CDYL2: variants seen among roughly 807,000 people sequenced by gnomAD.
The protein encoded by CDYL2 is chromodomain Y like 2.
CDYL2 carries 23 observed loss-of-function variants against 49.4 expected under a neutral mutation model. That is an observed-to-expected ratio of 0.47 (90% CI 0.34 to 0.66). The LOEUF is 0.66. CDYL2 is among the 30% of genes least tolerant of loss of function. CDYL2 has a pLI of 0.01. For synonymous variants in CDYL2, 360 were observed against 268.8 expected (o/e 1.34, Z -3.32); for missense variants, 678 against 656.4 (o/e 1.03, Z -0.36).
Position 80,612,685 on chromosome 16 carries a change from G to T in CDYL2, c.1159C>A (p.Arg387Ser), listed in dbSNP as rs536459738. The change falls in exon 5 of 7, where the codon CGC becomes AGC. Residue 387 changes from arginine to serine, a missense_variant. Physicochemically the swap from Arg to Ser is moderately radical, Grantham distance 110. Transcript: ENST00000570137. The surrounding 1 kb of genome is among the most constrained non-coding windows in gnomAD (Gnocchi z 5.0). ...AWFQTPYATIRLTPAGCSSYT... is the reference protein window; with the variant it reads ...AWFQTPYATISLTPAGCSSYT... ...GAGGAGCAGCCAGCAGGCGTGAGGC[G>T]GATGGTGGCGTAGGGCGTCTGGAAC... The T allele has an allele frequency of 1.2e-6, 2 of 1,613,254 alleles. No individual in the cohort carries two copies. Among genetic ancestry groups the T allele is most frequent in the South Asian group, 1.1e-5 (1 of 91,028 alleles).
intron 2 of CDYL2, among the ~76,000 whole-genome samples, chr16:80,656,624 G>A (rs924383581): frequency 2.0e-5 from 3 of 152,198 alleles, no homozygotes; most frequent in Non-Finnish European, 4.4e-5. Flanking sequence ...AGCGTACAAA[G>A]GAGTATTTCC....
In CDYL2 at chr16:80,616,556, G is replaced by C. The variant is rs1012024495; in HGVS notation, c.1008-3720C>G. On this transcript the variant is annotated intron_variant, in intron 4 of 6. Coordinates refer to ENST00000570137, the MANE Select transcript of CDYL2 (RefSeq NM_152342.4). ...TCCCTTTAACCAGAGGCATGGAGGA[G>C]AACCCTCCCCCAGCCAAAGCTCAGA... 5.9e-5 allele frequency among the ~76,000 whole-genome samples: 9 copies of C among 152,102 alleles called. 1 individual carries two copies. The South Asian group carries it at 1.0e-3, about 18-fold the overall frequency.
At chr16:80,676,932 T>A (rs1261535769) in intron 2 of CDYL2, among the ~76,000 whole-genome samples, 3 of 152,030 alleles carry the variant, frequency 2.0e-5, no homozygotes, top group East Asian at 3.9e-4. Flanking sequence ...TCTTACTTCT[T>A]CTGAGGACTT....
chr16:80,638,710 A>C (rs1400351447), intron 2 of CDYL2, among the ~76,000 whole-genome samples: 1 of 152,206 alleles, frequency 6.6e-6, no homozygotes, highest in Non-Finnish European at 1.5e-5. Flanking sequence ...AAATAAAGAC[A>C]ATTCAATGGA....
intron 1 of CDYL2, among the ~76,000 whole-genome samples, chr16:80,791,975 G>C (rs1024868000): frequency 6.6e-6 from 1 of 152,162 alleles, no homozygotes; most frequent in Non-Finnish European, 1.5e-5. Context: ...AGTGGTGAGA[G>C]TATTAAGGAA....
chr16:80,600,078 C>T lies in CDYL2; in HGVS notation c.*4310G>A, dbSNP rs368038922. The stretch of plus-strand genomic sequence containing the variant: ...TCAACTGCCACACAGTGAGAATTTA[C>T]GGGGAGATCTTAAACTACTTATGTA... On this transcript the variant is annotated 3_prime_UTR_variant, in exon 7 of 7. Coordinates refer to ENST00000570137, the MANE Select transcript of CDYL2 (RefSeq NM_152342.4). The T allele has an allele frequency of 1.3e-5, 2 of 152,164 alleles. No homozygotes were observed. Among genetic ancestry groups the T allele is most frequent in the Non-Finnish European group, 1.5e-5 (1 of 68,020 alleles). 9.4% of individuals were successfully genotyped at this position (152,164 alleles called of 1,614,324 possible). A position where few individuals can be genotyped will look rare whatever the true frequency, so the allele number is the denominator to read the frequency against.
At chr16:80,665,950 AG>A (rs1909244452) in intron 2 of CDYL2, among the ~76,000 whole-genome samples, 2 of 152,290 alleles carry the variant, frequency 1.3e-5, no homozygotes, top group Admixed American at 1.3e-4. Context: ...CTAATATCCT[AG>A]GATCAATGAA....
intron 1 of CDYL2, among the ~76,000 whole-genome samples, chr16:80,705,734 C>T (rs1904382797): frequency 6.6e-6 from 1 of 152,258 alleles, no homozygotes; most frequent in Non-Finnish European, 1.5e-5. Context: ...TCAAATCTGC[C>T]CTTGTCATGC....
intron 2 of CDYL2, among the ~76,000 whole-genome samples, chr16:80,636,544 G>A (rs772537254): frequency 1.3e-5 from 2 of 152,340 alleles, no homozygotes; most frequent in African/African-American, 4.8e-5. Context: ...TCATTAAGAA[G>A]TCAGGAAACA....
chr16:80,702,170 T>C (rs1370765744), intron 1 of CDYL2, among the ~76,000 whole-genome samples: 1 of 136,056 alleles, frequency 7.3e-6, no homozygotes, highest in Non-Finnish European at 1.5e-5. Flanking sequence ...GTTCCAAGAG[T>C]CAGAAGGCCT....
At chr16:80,782,835 T>G (rs1042108835) in intron 1 of CDYL2, among the ~76,000 whole-genome samples, 10 of 152,062 alleles carry the variant, frequency 6.6e-5, no homozygotes, top group African/African-American at 2.4e-4. Flanking sequence ...AAACTAGTAA[T>G]AAAATGAAAC....
intron 2 of CDYL2, among the ~76,000 whole-genome samples, chr16:80,640,743 C>T (rs1052840011): frequency 5.9e-5 from 9 of 151,866 alleles, no homozygotes; most frequent in Non-Finnish European, 1.2e-4. Context: ...AAATTTAACA[C>T]GGAGATTGAA....
At chr16:80,757,648 ATATT>A (rs758730827) in intron 1 of CDYL2, among the ~76,000 whole-genome samples, 17 of 151,822 alleles carry the variant, frequency 1.1e-4, no homozygotes, top group African/African-American at 2.2e-4. Flanking sequence ...TGATATCTAT[ATATT>A]TATTTGACAT....
Position 80,684,957 on chromosome 16 carries a change from A to G in CDYL2, c.197T>C (p.Ile66Thr). The stretch of plus-strand genomic sequence containing the variant: ...GGTACTGGACTGCTTCCCTGACTTG[A>G]TCCTCTTGTCCTTGGACATGTGCAA... ...NGLHMSKDKR[I>T]KSGKQSSTSK... is the part of the protein sequence containing the mutation. Residue 66 changes from isoleucine to threonine, a missense_variant, in exon 2 of 7, where the codon ATC (isoleucine) becomes ACC (threonine). Around this residue, in one of 3 missense-constraint regions of CDYL2, gnomAD observed 478 missense variants for 427.0 expected, o/e 1.12. Transcript: ENST00000570137. The G allele has an allele frequency of 6.2e-7, 1 of 1,614,090 alleles. No homozygotes were observed. Among genetic ancestry groups the G allele is most frequent in the Non-Finnish European group, 8.5e-7 (1 of 1,180,018 alleles).
rs550636554 is a variant in CDYL2, at chr16:80,768,262, T to C, written c.24+35888A>G. Among the ~76,000 whole-genome samples, 3 of 152,224 alleles carry C rather than the reference T, an allele frequency of 2.0e-5. No individual in the cohort carries two copies. The South Asian group carries it at 6.2e-4, about 32-fold the overall frequency. On this transcript the variant is annotated intron_variant, in intron 1 of 6. Coordinates refer to ENST00000570137, the MANE Select transcript of CDYL2 (RefSeq NM_152342.4). ...AATTCCCCTCCATTCCCTCTCTCTC[T>C]CCCTATTCACTGGCCATCAGACCTG...
rs180828188 is a variant in CDYL2 at position 80,787,950 on chromosome 16, C to G, written c.24+16200G>C. Among the ~76,000 whole-genome samples, 4 of 152,210 alleles carry G rather than the reference C, an allele frequency of 2.6e-5. No individual in the cohort carries two copies. The East Asian group carries it at 7.7e-4, about 29-fold the overall frequency. The stretch of plus-strand genomic sequence containing the variant: ...ATAGGAAGTCTAGGCATCCTGAGCA[C>G]AAACCCAAATAACCAAGGCATCACA... On this transcript the variant is annotated intron_variant, in intron 1 of 6. Coordinates refer to ENST00000570137, the MANE Select transcript of CDYL2 (RefSeq NM_152342.4).
rs9927307 is a variant in CDYL2 at position 80,745,967 on chromosome 16, C to G, written c.24+58183G>C. ...AGCCCTGTGACTGTCAGGATACCCCCTCCTGCTATCAATCAGCAAGGCTGC... is the reference window on the plus strand; with the variant it reads ...AGCCCTGTGACTGTCAGGATACCCCGTCCTGCTATCAATCAGCAAGGCTGC... On this transcript the variant is annotated intron_variant, in intron 1 of 6. Coordinates refer to ENST00000570137, the MANE Select transcript of CDYL2 (RefSeq NM_152342.4). Among the ~76,000 whole-genome samples the G allele has an allele frequency of 2.7e-3, 405 of 152,334 alleles. 3 individuals carry two copies. Among genetic ancestry groups the G allele is most frequent in the Middle Eastern group, 0.014 (4 of 294 alleles).
At chr16:80,780,688 G>A (rs986132241) in intron 1 of CDYL2, among the ~76,000 whole-genome samples, 4 of 152,074 alleles carry the variant, frequency 2.6e-5, no homozygotes, top group African/African-American at 9.7e-5. Context: ...ACAGGTGTGA[G>A]CCACCGCGCC....
intron 1 of CDYL2, among the ~76,000 whole-genome samples, chr16:80,734,130 A>G (rs908179564): frequency 2.0e-5 from 3 of 152,186 alleles, no homozygotes; most frequent in Non-Finnish European, 4.4e-5. Flanking sequence ...ATCTCATATC[A>G]GTTATCTTCT....
Sources: allele counts gnomAD v4.1 joint callset (sites outside exome capture counted in the v4.1 genomes callset), GRCh38; gene constraint gnomAD v4.1.1; regional missense constraint gnomAD v4.1.1; non-coding constraint Gnocchi (gnomAD v3.1); transcripts MANE v1.5; gene names NCBI Gene and HGNC (gene_info 2026-07-23, HGNC 2026-07-21).